The following NPAS3 variants were observed in gnomAD, a reference collection of about 807,000 sequenced individuals.
NPAS3 encodes the protein neuronal PAS domain protein 3, also known as neuronal PAS domain-containing protein 3.
A neutral mutation model predicts 73.1 loss-of-function variants in NPAS3; 14 were observed. The observed-to-expected ratio is 0.19, with a 90% CI of 0.13 to 0.30. The LOEUF (loss-of-function observed/expected upper bound fraction) is 0.30. NPAS3 is among the 10% of genes least tolerant of loss of function. The probability of loss-of-function intolerance (pLI) is 1.00; values close to 1 mark genes in which losing one functional copy is unlikely to be tolerated. For missense variants in NPAS3, 1,096 were observed against 1,250.0 expected (o/e 0.88, Z 1.86); for synonymous variants, 620 against 541.5 (o/e 1.14, Z -2.01).
chr14:33,487,004 G>A lies in NPAS3; in HGVS notation c.469-73117G>A, dbSNP rs142776845. On this transcript the variant is annotated intron_variant, in intron 4 of 11. Coordinates refer to ENST00000356141, the Ensembl canonical transcript of NPAS3. Reference sequence around the variant, plus strand: ...GTTTATTCCAGTGGTTAAATTTGACGAGGTGAAGAAAAGTCAAACTCTCCC... The same window carrying A: ...GTTTATTCCAGTGGTTAAATTTGACAAGGTGAAGAAAAGTCAAACTCTCCC... Among the ~76,000 whole-genome samples the A allele has an allele frequency of 1.8e-3, 275 of 152,222 alleles. 8 individuals carry two copies. In the East Asian group the frequency reaches 0.044, roughly 25 times the overall value.
intron 3 of NPAS3, among the ~76,000 whole-genome samples, chr14:33,255,595 C>G (rs377133057): frequency 3.9e-5 from 6 of 152,000 alleles, no homozygotes; most frequent in African/African-American, 1.2e-4. Context: ...TAGTTTTTGT[C>G]CTTAACTTTG....
chr14:33,308,807 A>C (rs2042887681), intron 3 of NPAS3, among the ~76,000 whole-genome samples: 1 of 152,078 alleles, frequency 6.6e-6, no homozygotes, highest in Non-Finnish European at 1.5e-5. Context: ...TTTTTAAAAA[A>C]ATTTTAAATA....
At chr14:33,072,649 G>A (rs1342100532) in intron 2 of NPAS3, among the ~76,000 whole-genome samples, 1 of 152,182 alleles carries the variant, frequency 6.6e-6, no homozygotes, top group African/African-American at 2.4e-5. Flanking sequence ...CACAAAACTA[G>A]AACATAATTT....
intron 4 of NPAS3, among the ~76,000 whole-genome samples, chr14:33,423,574 G>A (rs1401840599): frequency 1.3e-5 from 2 of 151,918 alleles, no homozygotes; most frequent in Non-Finnish European, 2.9e-5. Context: ...TATATATCAT[G>A]TTTTAAGAGA....
At chr14:33,651,930 T>C (rs1373528597) in intron 5 of NPAS3, among the ~76,000 whole-genome samples, 1 of 152,200 alleles carries the variant, frequency 6.6e-6, no homozygotes, top group Non-Finnish European at 1.5e-5. Flanking sequence ...TTAAAAATGA[T>C]AAGGCTTAGC....
intron 6 of NPAS3, among the ~76,000 whole-genome samples, chr14:33,725,515 A>G (rs1452720677): frequency 2.6e-5 from 4 of 152,126 alleles, no homozygotes; most frequent in African/African-American, 9.7e-5. Flanking sequence ...TTTTCTCTGG[A>G]CATATCTATT....
chr14:33,585,158 A>G (rs143520071), intron 5 of NPAS3, among the ~76,000 whole-genome samples: 37 of 152,152 alleles, frequency 2.4e-4, no homozygotes, highest in Admixed American at 3.3e-4. Flanking sequence ...GTCATAGGAG[A>G]GACCCGAATA....
chr14:33,311,597 A>C (rs2043005045), intron 3 of NPAS3, among the ~76,000 whole-genome samples: 1 of 152,152 alleles, frequency 6.6e-6, no homozygotes, highest in Non-Finnish European at 1.5e-5. Context: ...AGAATGTCAG[A>C]ATATGGATTG....
At chr14:32,972,596 C>T (rs2037481369) in intron 1 of NPAS3, among the ~76,000 whole-genome samples, 1 of 152,190 alleles carries the variant, frequency 6.6e-6, no homozygotes, top group East Asian at 1.9e-4. Flanking sequence ...TAAAATGACC[C>T]ATGCTGAATC....
intron 3 of NPAS3, among the ~76,000 whole-genome samples, chr14:33,277,385 A>G (rs1051305117): frequency 1.3e-5 from 2 of 152,150 alleles, no homozygotes; most frequent in Admixed American, 1.3e-4. Flanking sequence ...TCAAGTACTT[A>G]TTTAGTGCCT....
intron 1 of NPAS3, among the ~76,000 whole-genome samples, chr14:33,039,193 T>A (rs573267160): frequency 6.6e-6 from 1 of 152,322 alleles, no homozygotes; most frequent in South Asian, 2.1e-4. Context: ...TTCTGCAGTT[T>A]GTCACTTGCA....
At chr14:33,684,568 G>GA (rs1458726855) in intron 6 of NPAS3, among the ~76,000 whole-genome samples, 2 of 152,122 alleles carry the variant, frequency 1.3e-5, no homozygotes, top group Non-Finnish European at 2.9e-5. Context: ...AAAGTGCTAG[G>GA]ATTATAGGCA....
At chr14:33,158,085 A>G (rs746459641) in intron 2 of NPAS3, among the ~76,000 whole-genome samples, 37 of 152,258 alleles carry the variant, frequency 2.4e-4, no homozygotes, top group Non-Finnish European at 3.5e-4. Flanking sequence ...AAAATTTCAC[A>G]GTTACATTTA....
At chr14:33,370,281 A>G (rs909144570) in intron 4 of NPAS3, among the ~76,000 whole-genome samples, 1 of 152,228 alleles carries the variant, frequency 6.6e-6, no homozygotes, top group Non-Finnish European at 1.5e-5. Flanking sequence ...TGAATTTGCC[A>G]TAAAGCACCA....
At chr14:32,965,918 T>G (rs2037134854) in intron 1 of NPAS3, among the ~76,000 whole-genome samples, 1 of 152,110 alleles carries the variant, frequency 6.6e-6, no homozygotes, top group Non-Finnish European at 1.5e-5. Context: ...ATAGACCAAG[T>G]GCAAACTATC....
At position 33,648,823 on chromosome 14, in the gene NPAS3, C is replaced by G. The variant is rs777636250; in HGVS notation, c.559-27388C>G. Among the ~76,000 whole-genome samples the G allele has an allele frequency of 1.6e-4, 24 of 152,196 alleles. 1 individual carries two copies. Among genetic ancestry groups the G allele is most frequent in the South Asian group, 1.0e-3 (5 of 4,838 alleles). ...CATCACCAGTGAAGCCCTCCAGAATCTCACTTGCCATTGTCTCTATTCTAA... is the reference window on the plus strand; with the variant it reads ...CATCACCAGTGAAGCCCTCCAGAATGTCACTTGCCATTGTCTCTATTCTAA... On this transcript the variant is annotated intron_variant, in intron 5 of 11. Transcript: ENST00000356141.
chr14:33,064,446 G>T (rs2041212602), intron 2 of NPAS3, among the ~76,000 whole-genome samples: 1 of 152,192 alleles, frequency 6.6e-6, no homozygotes, highest in Non-Finnish European at 1.5e-5. Flanking sequence ...CCTGTCCTCT[G>T]CTCTGTAAAT....
chr14:33,594,950 A>G (rs1011590881), intron 5 of NPAS3, among the ~76,000 whole-genome samples: 7 of 152,232 alleles, frequency 4.6e-5, no homozygotes, highest in East Asian at 3.8e-4. Context: ...CTTGAAAGCC[A>G]TAAGAGAAAG....
intron 2 of NPAS3, among the ~76,000 whole-genome samples, chr14:33,127,265 A>G (rs1033922803): frequency 6.6e-6 from 1 of 151,944 alleles, no homozygotes; most frequent in African/African-American, 2.4e-5. Context: ...TTTTTCATGG[A>G]CATTTCTTAT....
Sources: gnomAD v4.1 joint callset for allele counts (sites outside exome capture counted in the v4.1 genomes callset) on GRCh38, gnomAD v4.1.1 for gene constraint, MANE v1.5 for transcripts, NCBI Gene and HGNC (gene_info 2026-07-23, HGNC 2026-07-21) for gene names.